Variants in PDE4B observed in about 807,000 individuals in gnomAD.
The protein encoded by PDE4B is phosphodiesterase 4B.
Under a neutral mutation model 82.2 loss-of-function variants are expected in PDE4B, and 20 were observed. The observed-to-expected ratio is 0.24, with a 90% CI of 0.17 to 0.35. PDE4B has a LOEUF of 0.35. Among genes scored for constraint, PDE4B ranks in the 10% least tolerant of loss-of-function variants. The pLI is 1.00. For missense variants in PDE4B, 655 were observed against 907.2 expected (o/e 0.72, Z 3.57); for synonymous variants, 320 against 318.9 (o/e 1.00, Z -0.04).
At chr1:66,361,229 A>T (rs917630849) in intron 9 of PDE4B, among the ~76,000 whole-genome samples, 12 of 152,194 alleles carry the variant, frequency 7.9e-5, no homozygotes, top group Admixed American at 2.0e-4. Context: ...TTATTTAAAA[A>T]TCTACATATA....
chr1:66,342,906 G>A (rs923964954), intron 8 of PDE4B, among the ~76,000 whole-genome samples: 14 of 152,022 alleles, frequency 9.2e-5, no homozygotes, highest in South Asian at 2.1e-4. Context: ...TTAGCCGGAC[G>A]CAGTGGTGCA....
At chr1:66,009,506 G>T (rs1425768742) in intron 3 of PDE4B, among the ~76,000 whole-genome samples, 2 of 152,064 alleles carry the variant, frequency 1.3e-5, no homozygotes, top group African/African-American at 4.8e-5. Flanking sequence ...CAGAGTATGG[G>T]TCAATGTGCA....
intron 3 of PDE4B, among the ~76,000 whole-genome samples, chr1:66,074,008 G>A (rs1656294930): frequency 6.6e-6 from 1 of 152,080 alleles, no homozygotes; most frequent in Non-Finnish European, 1.5e-5. Flanking sequence ...GAACTTCAAG[G>A]CTGGAATCCC....
At position 65,921,863 on chromosome 1, in the gene PDE4B, G is replaced by A. The variant is rs144871409; in HGVS notation, c.281+3028G>A. 6.8e-3 allele frequency among the ~76,000 whole-genome samples: 1,040 copies of A among 152,248 alleles called. 13 individuals carry two copies. The highest frequency in any genetic ancestry group is 0.023 in the African/African-American group (947 of 41,536). On this transcript the variant is annotated intron_variant, in intron 3 of 16. Transcript: ENST00000341517. ...TATCAAGGACAAAAACTGACTTTGA[G>A]GTCATGGCTGATGTGCCAAATAAGT...
chr1:65,995,753 A>G (rs1307148051), intron 3 of PDE4B, among the ~76,000 whole-genome samples: 1 of 152,216 alleles, frequency 6.6e-6, no homozygotes, highest in Non-Finnish European at 1.5e-5. Context: ...CTTAAGTTAG[A>G]AATTCCAAGA....
At chr1:66,367,113 A>G (rs547526395) in intron 13 of PDE4B, among the ~76,000 whole-genome samples, 1 of 152,318 alleles carries the variant, frequency 6.6e-6, no homozygotes, top group Non-Finnish European at 1.5e-5. Flanking sequence ...GAGCCAAAAG[A>G]CAGAAAATTT....
intron 3 of PDE4B, among the ~76,000 whole-genome samples, chr1:66,122,340 T>C (rs1645726990): frequency 6.6e-6 from 1 of 152,224 alleles, no homozygotes; most frequent in African/African-American, 2.4e-5. Flanking sequence ...TTTTTTCACA[T>C]TTATCCTCAC....
At chr1:66,325,605 C>A (rs1485921100) in intron 7 of PDE4B, among the ~76,000 whole-genome samples, 1 of 152,166 alleles carries the variant, frequency 6.6e-6, no homozygotes, top group Non-Finnish European at 1.5e-5. Context: ...GAAGTGGAAA[C>A]CAACAGTCTC....
chr1:66,038,587 G>A (rs905446004), intron 3 of PDE4B, among the ~76,000 whole-genome samples: 4 of 152,114 alleles, frequency 2.6e-5, no homozygotes, highest in African/African-American at 9.6e-5. Flanking sequence ...ATCTGAGATG[G>A]TAGAAATAGG....
rs1646563496 is a variant in PDE4B at position 66,159,329 on chromosome 1, C to T, written c.282-88131C>T. Reference sequence around the variant, plus strand: ...GCATTCTTGGCTCACTGCTTTGCCTCCCAGGTTCAAGCAATTCTCATGCCT... The same window carrying T: ...GCATTCTTGGCTCACTGCTTTGCCTTCCAGGTTCAAGCAATTCTCATGCCT... On this transcript the variant is annotated intron_variant, in intron 3 of 16. Coordinates refer to ENST00000341517, the MANE Select transcript of PDE4B (RefSeq NM_002600.4). 4.0e-5 allele frequency among the ~76,000 whole-genome samples: 6 copies of T among 151,520 alleles called. No individual in the cohort carries two copies. The South Asian group carries it at 1.2e-3, about 32-fold the overall frequency.
chr1:66,094,255 G>T (rs1444077723), intron 3 of PDE4B, among the ~76,000 whole-genome samples: 1 of 151,966 alleles, frequency 6.6e-6, no homozygotes, highest in African/African-American at 2.4e-5. Context: ...GTAGGTTGGA[G>T]AAATGACTGC....
chr1:66,143,710 A>G (rs1646217398), intron 3 of PDE4B, among the ~76,000 whole-genome samples: 1 of 152,240 alleles, frequency 6.6e-6, no homozygotes, highest in Admixed American at 6.5e-5. Context: ...TAGGCCATTG[A>G]GACATAAGCA....
chr1:65,966,821 A>G (rs1165491699), intron 3 of PDE4B, among the ~76,000 whole-genome samples: 1 of 152,232 alleles, frequency 6.6e-6, no homozygotes, highest in Admixed American at 6.5e-5. Flanking sequence ...TGTTGGGAAA[A>G]CAGGCTAGCC....
chr1:66,254,567 T>C (rs1368662282), intron 4 of PDE4B, among the ~76,000 whole-genome samples: 1 of 152,144 alleles, frequency 6.6e-6, no homozygotes, highest in Non-Finnish European at 1.5e-5. Flanking sequence ...TCAGTCTTCC[T>C]GCTCGATGTC....
intron 3 of PDE4B, among the ~76,000 whole-genome samples, chr1:66,185,345 G>A (rs1647165099): frequency 6.6e-6 from 1 of 152,178 alleles, no homozygotes; most frequent in Non-Finnish European, 1.5e-5. Context: ...TAACCCTTCG[G>A]GTATATACCC....
rs1646082038 is a variant in PDE4B, at chr1:66,137,495, C to T, written c.282-109965C>T. 3.3e-5 allele frequency among the ~76,000 whole-genome samples: 5 copies of T among 152,310 alleles called. 1 individual carries two copies. The South Asian group carries it at 1.0e-3, about 32-fold the overall frequency. ...GTGTGGTGAACCAGGATCTGAGTCA[C>T]TTCTAATCCACTCATTTAGAAATTA... On this transcript the variant is annotated intron_variant, in intron 3 of 16. Coordinates refer to ENST00000341517, the MANE Select transcript of PDE4B (RefSeq NM_002600.4).
At chr1:65,818,134 C>T (rs906296937) in intron 1 of PDE4B, among the ~76,000 whole-genome samples, 2 of 152,146 alleles carry the variant, frequency 1.3e-5, no homozygotes, top group Non-Finnish European at 2.9e-5. Context: ...ACAATGCCTT[C>T]CAAGGGATAT....
Position 66,257,865 on chromosome 1 carries a change from TA to T in PDE4B, c.584+4del. ...AAACCTTCATGGTACATCTAACAAG[TA>T]AGGATTGACTTTTTTGTGGAGTTTG... On this transcript the variant is annotated splice_donor_region_variant and intron_variant, in intron 6 of 16. Transcript: ENST00000341517. 1 of 1,608,194 alleles carries T rather than the reference TA, an allele frequency of 6.2e-7. No homozygotes were observed. The highest frequency in any genetic ancestry group is 8.5e-7 in the Non-Finnish European group (1 of 1,174,870).
chr1:66,073,969 G>A (rs573205886), intron 3 of PDE4B, among the ~76,000 whole-genome samples: 85 of 152,092 alleles, frequency 5.6e-4, no homozygotes, highest in Non-Finnish European at 9.1e-4. Flanking sequence ...TACAGATAGG[G>A]CTTTAATGTC....
Sources: gnomAD v4.1 joint callset for allele counts (sites outside exome capture counted in the v4.1 genomes callset) on GRCh38, gnomAD v4.1.1 for gene constraint, MANE v1.5 for transcripts, NCBI Gene and HGNC (gene_info 2026-07-23, HGNC 2026-07-21) for gene names.